The following CFAP206 variants were observed in gnomAD, a reference collection of about 807,000 sequenced individuals.
CFAP206 encodes the protein cilia and flagella associated protein 206.
A neutral mutation model predicts 65.4 loss-of-function variants in CFAP206; 53 were observed. The observed-to-expected ratio is 0.81, with a 90% CI of 0.65 to 1.02. The LOEUF (loss-of-function observed/expected upper bound fraction) is 1.02. CFAP206 is among the 50% of genes least tolerant of loss of function. The pLI is 0.00. For synonymous variants in CFAP206, 250 were observed against 254.4 expected (o/e 0.98, Z 0.17); for missense variants, 663 against 753.2 (o/e 0.88, Z 1.40).
intron 11 of CFAP206, among the ~76,000 whole-genome samples, chr6:87,460,307 C>A (rs1179947807): frequency 1.3e-5 from 2 of 152,152 alleles, no homozygotes; most frequent in Admixed American, 1.3e-4. Context: ...AAAGCAAAAA[C>A]CTTGGATAAT....
intron 11 of CFAP206, among the ~76,000 whole-genome samples, chr6:87,453,324 A>G (rs1483199741): frequency 6.6e-6 from 1 of 152,204 alleles, no homozygotes; most frequent in Non-Finnish European, 1.5e-5. Context: ...GTTCTGCAAG[A>G]AAAGTTAAAG....
At chr6:87,429,535 TA>T (rs1768122190) in intron 9 of CFAP206, among the ~76,000 whole-genome samples, 1 of 152,206 alleles carries the variant, frequency 6.6e-6, no homozygotes, top group Non-Finnish European at 1.5e-5. Context: ...CAATAAATGT[TA>T]TCCCTGTAAA....
intron 11 of CFAP206, among the ~76,000 whole-genome samples, chr6:87,454,363 A>G (rs142193506): frequency 2.0e-3 from 302 of 152,338 alleles, no homozygotes; most frequent in Middle Eastern, 3.4e-3. Flanking sequence ...ATCAGACTTA[A>G]TCTGCACTGT....
intron 3 of CFAP206, among the ~76,000 whole-genome samples, chr6:87,412,591 A>G (rs1410145288): frequency 1.3e-5 from 2 of 152,178 alleles, no homozygotes; most frequent in Non-Finnish European, 2.9e-5. Flanking sequence ...CAAGGGTAGA[A>G]CCAGAGAAAT....
intron 11 of CFAP206, among the ~76,000 whole-genome samples, chr6:87,437,488 C>G (rs2223877): frequency 0.28 from 42,120 of 151,900 alleles, 6,030 homozygotes; most frequent in Admixed American, 0.38. Context: ...CTTTTCCCAG[C>G]CTGACACCTC....
chr6:87,423,738 C>CT (rs1454301628), intron 7 of CFAP206, among the ~76,000 whole-genome samples: 1 of 152,058 alleles, frequency 6.6e-6, no homozygotes, highest in African/African-American at 2.4e-5. Flanking sequence ...GGAAAAAACT[C>CT]TATGAGGGTA....
chr6:87,418,173 C>G (rs1375344630), intron 6 of CFAP206, 35 bp from the exon 7 acceptor site: 1 of 1,593,916 alleles, frequency 6.3e-7, no homozygotes, highest in Admixed American at 1.7e-5. Context: ...TTTTTAGTCT[C>G]CTTTATGGCT....
intron 11 of CFAP206, among the ~76,000 whole-genome samples, chr6:87,450,541 T>C (rs530036082): frequency 1.1e-4 from 16 of 140,296 alleles, no homozygotes; most frequent in African/African-American, 3.7e-4. Context: ...TATAGCCACT[T>C]ACCACAAAAA....
At chr6:87,432,196 G>A (rs534179141) in intron 10 of CFAP206, among the ~76,000 whole-genome samples, 2 of 151,786 alleles carry the variant, frequency 1.3e-5, no homozygotes, top group African/African-American at 4.8e-5. Context: ...TCACAATTGG[G>A]TATTTTTTCA....
At chr6:87,420,409 T>C (rs1286090649) in intron 7 of CFAP206, among the ~76,000 whole-genome samples, 8 of 152,220 alleles carry the variant, frequency 5.3e-5, no homozygotes, top group African/African-American at 1.9e-4. Flanking sequence ...TAAATTCTCA[T>C]TGGCGTTCTA....
chr6:87,420,990 T>G (rs1767931871), intron 7 of CFAP206, among the ~76,000 whole-genome samples: 1 of 152,234 alleles, frequency 6.6e-6, no homozygotes, highest in South Asian at 2.1e-4. Context: ...TTGATTATTA[T>G]GAAATGGATA....
intron 11 of CFAP206, among the ~76,000 whole-genome samples, chr6:87,458,952 C>T (rs1768697234): frequency 6.6e-6 from 1 of 151,888 alleles, no homozygotes; most frequent in African/African-American, 2.4e-5. Flanking sequence ...ACTGTGTACC[C>T]ATAAAAATTA....
intron 11 of CFAP206, among the ~76,000 whole-genome samples, chr6:87,436,366 G>GT (rs1369813175): frequency 1.3e-5 from 2 of 152,026 alleles, no homozygotes; most frequent in Non-Finnish European, 2.9e-5. Context: ...GATTACAGGC[G>GT]TGAGCCACCA....
At position 87,461,110 on chromosome 6, in the gene CFAP206, T is replaced by C. The variant is rs757172359; in HGVS notation, c.1583T>C (p.Ile528Thr). Reference sequence around the variant, plus strand: ...AATACACACATACTGCCACCAACGATTGTGAGATCATATGAGTGGAATGAA... The same window carrying C: ...AATACACACATACTGCCACCAACGACTGTGAGATCATATGAGTGGAATGAA... ...QTNTHILPPT[I>T]VRSYEWNEWE... is the part of the protein sequence containing the mutation. The change falls in exon 12 of 13, where the codon ATT becomes ACT. Residue 528 changes from isoleucine (I) to threonine (T), a missense_variant. Physicochemically the swap from Ile to Thr is moderately conservative, Grantham distance 89. Coordinates refer to ENST00000369562, the MANE Select transcript of CFAP206 (RefSeq NM_001031743.3). 3.3e-5 allele frequency: 53 copies of C among 1,591,588 alleles called. No individual in the cohort carries two copies. In the East Asian group the frequency reaches 6.3e-4, roughly 19 times the overall value.
intron 11 of CFAP206, among the ~76,000 whole-genome samples, chr6:87,452,496 G>C (rs1457517201): frequency 1.3e-5 from 2 of 152,030 alleles, no homozygotes; most frequent in African/African-American, 4.8e-5. Flanking sequence ...AAGGCACCAG[G>C]GACCAATTCT....
intron 11 of CFAP206, among the ~76,000 whole-genome samples, chr6:87,452,049 G>A (rs1768555048): frequency 6.6e-6 from 1 of 152,128 alleles, no homozygotes; most frequent in East Asian, 1.9e-4. Context: ...ACCCAGCATA[G>A]CCCCAGTGGT....
At chr6:87,415,575 C>T (rs111751307) in intron 4 of CFAP206, 111 bp from the exon 5 acceptor site, 2 of 966,650 alleles carry the variant, frequency 2.1e-6, no homozygotes, top group South Asian at 2.7e-5. Flanking sequence ...TAAGAAATTA[C>T]TTGTTTTCCT....
rs142943998 is a variant in CFAP206, at chr6:87,418,277, G to A, written c.701G>A (p.Arg234Gln). 316 of 1,614,090 alleles carry A rather than the reference G, an allele frequency of 2.0e-4. No individual in the cohort carries two copies. The highest frequency in any genetic ancestry group is 4.0e-4 in the African/African-American group (30 of 74,990). The change falls in exon 7 of 13, where the codon CGG becomes CAG. Residue 234 changes from arginine (R) to glutamine (Q), a missense_variant. Physicochemically the swap from Arg to Gln is conservative, Grantham distance 43. Coordinates refer to ENST00000369562, the MANE Select transcript of CFAP206 (RefSeq NM_001031743.3). ...ATTGATTACCAGCTTGAGACTGCCC[G>A]GAGCCAGGTATACCGCTACACAGCC... ...QHIDYQLETA[R>Q]SQVYRYTAIL...
At chr6:87,453,182 T>G (rs1768573086) in intron 11 of CFAP206, among the ~76,000 whole-genome samples, 1 of 151,982 alleles carries the variant, frequency 6.6e-6, no homozygotes, top group Admixed American at 6.6e-5. Flanking sequence ...ACGACATACT[T>G]AAAGTGCTGA....
Sources: allele counts gnomAD v4.1 joint callset (sites outside exome capture counted in the v4.1 genomes callset), GRCh38; gene constraint gnomAD v4.1.1; transcripts MANE v1.5; gene names NCBI Gene and HGNC (gene_info 2026-07-23, HGNC 2026-07-21).